RNPEPL1: variants seen among roughly 807,000 people sequenced by gnomAD.
RNPEPL1 encodes aminopeptidase RNPEPL1.
A neutral mutation model predicts 69.0 loss-of-function variants in RNPEPL1; 46 were observed. That is an observed-to-expected ratio of 0.67 (90% CI 0.53 to 0.85). The LOEUF is 0.85. RNPEPL1 is among the 40% of genes least tolerant of loss of function. The pLI is 0.00. For synonymous variants in RNPEPL1, 525 were observed against 454.1 expected, an observed-to-expected ratio of 1.16 and a Z score of -1.98; for missense variants, 869 against 992.5, an observed-to-expected ratio of 0.88 and a Z score of 1.67.
At position 240,574,107 on chromosome 2, in the gene RNPEPL1, G is replaced by A. The variant is rs750350181; in HGVS notation, c.939-6G>A. The A allele has an allele frequency of 1.5e-5, 24 of 1,611,838 alleles. No homozygotes were observed. The highest frequency in any genetic ancestry group is 8.8e-5 in the South Asian group (8 of 91,042). On this transcript the variant is annotated splice_polypyrimidine_tract_variant and splice_region_variant and intron_variant, in intron 4 of 10. Transcript: ENST00000270357. ...GTCTGCCACCCTCACCGCCCTCCCG[G>A]TGCAGGTACGACATTGTCTTCCTGC...
At chr2:240,575,647 TG>T (rs1410139207) in intron 8 of RNPEPL1, 37 bp downstream of exon 8, 8 of 1,550,190 alleles carry the variant, frequency 5.2e-6, no homozygotes, top group Non-Finnish European at 7.1e-6. Flanking sequence ...CAGGGAGCCG[TG>T]GGTATGATGG....
Position 240,578,056 on chromosome 2 carries a change from C to T in RNPEPL1, c.*164C>T. 4.7e-6 allele frequency: 3 copies of T among 640,882 alleles called. No individual in the cohort carries two copies. The highest frequency in any genetic ancestry group is 7.3e-6 in the Non-Finnish European group (3 of 412,938). 39.7% of individuals were successfully genotyped at this position (640,882 alleles called of 1,614,324 possible). On this transcript the variant is annotated 3_prime_UTR_variant, in exon 11 of 11. Coordinates refer to ENST00000270357, the MANE Select transcript of RNPEPL1 (RefSeq NM_018226.6). ...CAGGGAGAATGGGGAGAGGGACCTCCTTGTGTCTGGCAGAGACCTGTGGAC... is the reference window on the plus strand; with the variant it reads ...CAGGGAGAATGGGGAGAGGGACCTCTTTGTGTCTGGCAGAGACCTGTGGAC...
chr2:240,579,155 A>G lies in RNPEPL1; in HGVS notation c.*1263A>G, dbSNP rs2093046594. ...ATCTCAGTGCCACGCACACCTGGCC[A>G]ACATGCCGTGGCCCAGAAGCAGCAC... On this transcript the variant is annotated 3_prime_UTR_variant, in exon 11 of 11. Coordinates refer to ENST00000270357, the MANE Select transcript of RNPEPL1 (RefSeq NM_018226.6). 6.6e-6 allele frequency: 1 copy of G among 152,274 alleles called. No individual in the cohort carries two copies. Among genetic ancestry groups the G allele is most frequent in the South Asian group, 2.1e-4 (1 of 4,826 alleles). 9.4% of individuals were successfully genotyped at this position (152,274 alleles called of 1,614,324 possible). A position where few individuals can be genotyped will look rare whatever the true frequency, so the allele number is the denominator to read the frequency against.
chr2:240,576,301 TC>T, intron 8 of RNPEPL1: 1 of 584,540 alleles, frequency 1.7e-6, no homozygotes, highest in Non-Finnish European at 3.0e-6. Context: ...TGGGTGCGAG[TC>T]CCTTGGTCAC....
chr2:240,576,920 G>A lies in RNPEPL1; in HGVS notation c.1814G>A (p.Trp605Ter), dbSNP rs1179294633. 1 of 1,613,424 alleles carries A rather than the reference G, an allele frequency of 6.2e-7. No homozygotes were observed. Among genetic ancestry groups the A allele is most frequent in the Non-Finnish European group, 8.5e-7 (1 of 1,179,998 alleles). Reference protein sequence around the residue: ...DSMNAEIRIRWLQIVVRNDYY... With the variant: ...DSMNAEIRIR ...ATGAACGCTGAGATCCGCATCCGCTGGCTGCAGATTGTGGTCCGCAACGAC... is the reference window on the plus strand; with the variant it reads ...ATGAACGCTGAGATCCGCATCCGCTAGCTGCAGATTGTGGTCCGCAACGAC... Residue 605 changes from tryptophan (W) to a stop codon, truncating the protein, a stop_gained, in exon 10 of 11, where the codon TGG becomes TAG. Coordinates refer to ENST00000270357, the MANE Select transcript of RNPEPL1 (RefSeq NM_018226.6). LOFTEE classifies it high-confidence loss of function.
chr2:240,576,710 C>A lies in RNPEPL1; in HGVS notation c.1686C>A (p.Thr562=), dbSNP rs1559417825. The A allele has an allele frequency of 6.2e-7, 1 of 1,613,014 alleles. No individual in the cohort carries two copies. The highest frequency in any genetic ancestry group is 8.5e-7 in the Non-Finnish European group (1 of 1,179,980). Residue 562 remains threonine (T), a synonymous_variant, in exon 9 of 11, where the codon ACC becomes ACA. Coordinates refer to ENST00000270357, the MANE Select transcript of RNPEPL1 (RefSeq NM_018226.6). ...ASAIDISKWR[T]FQTALFLDRL... ...CCATTGACATCTCCAAGTGGAGGAC[C>A]TTCCAGACAGCACTCTTCCTGGACC... is the stretch of plus-strand genomic sequence containing the variant.
chr2:240,573,720 G>T, intron 3 of RNPEPL1, 55 bp from the exon 4 acceptor site: 1 of 1,405,194 alleles, frequency 7.1e-7, no homozygotes, highest in Non-Finnish European at 9.5e-7. Flanking sequence ...GAGCCTGGTG[G>T]GGTGAGCGGG....
chr2:240,570,617 T>C (rs1297735868), intron 1 of RNPEPL1, among the ~76,000 whole-genome samples: 1 of 152,218 alleles, frequency 6.6e-6, no homozygotes, highest in African/African-American at 2.4e-5. Context: ...GCCCTGCCAG[T>C]GGGCCCCAGG....
Position 240,577,628 on chromosome 2 carries a change from C to A in RNPEPL1, c.1914C>A (p.Tyr638Ter). Residue 638 changes from tyrosine (Y) to a stop codon, truncating the protein, a stop_gained, in exon 11 of 11, where the codon TAC becomes TAA. Coordinates refer to ENST00000270357, the MANE Select transcript of RNPEPL1 (RefSeq NM_018226.6). LOFTEE classifies it high-confidence loss of function. ...CACGCATGTACACCATCCCGCTGTACGAGGACCTCTGCACCGGTGCCCTCA... is the reference window on the plus strand; with the variant it reads ...CACGCATGTACACCATCCCGCTGTAAGAGGACCTCTGCACCGGTGCCCTCA... ...QMSRMYTIPL[Y>*]EDLCTGALKS... 1 of 1,602,956 alleles carries A rather than the reference C, an allele frequency of 6.2e-7. No individual in the cohort carries two copies. Among genetic ancestry groups the A allele is most frequent in the Non-Finnish European group, 8.5e-7 (1 of 1,172,434 alleles).
At chr2:240,573,352 C>A in intron 3 of RNPEPL1, 91 bp downstream of exon 3, 1 of 1,403,502 alleles carries the variant, frequency 7.1e-7, no homozygotes, top group Non-Finnish European at 9.4e-7. Flanking sequence ...GGCTGCCCTG[C>A]TGAGGACCCC....
At position 240,574,592 on chromosome 2, in the gene RNPEPL1, A is replaced by C. The variant is rs1273991708; in HGVS notation, c.1252A>C (p.Ser418Arg). ...GCAGATGAAGCTTCTGGGAGAGGAC[A>C]GCCCGGTCAGCAAACTGCAGGTCAA... ...HRQMKLLGED[S>R]PVSKLQVKLE... The change falls in exon 6 of 11, where the codon AGC becomes CGC. Residue 418 changes from serine to arginine, a missense_variant. Around this residue, in one of 2 missense-constraint regions of RNPEPL1, gnomAD observed 610 missense variants for 790.9 expected, o/e 0.77. Coordinates refer to ENST00000270357, the MANE Select transcript of RNPEPL1 (RefSeq NM_018226.6). The C allele has an allele frequency of 6.2e-7, 1 of 1,612,940 alleles. No individual in the cohort carries two copies. The highest frequency in any genetic ancestry group is 2.2e-5 in the East Asian group (1 of 44,880).
At chr2:240,572,727 T>C (rs2093025470) in intron 2 of RNPEPL1, among the ~76,000 whole-genome samples, 164 bp downstream of exon 2, 1 of 152,160 alleles carries the variant, frequency 6.6e-6, no homozygotes, top group African/African-American at 2.4e-5. Context: ...GGAGCCGCTT[T>C]GCAGGGAACG....
chr2:240,576,723 C>G lies in RNPEPL1; in HGVS notation c.1699C>G (p.Leu567Val), dbSNP rs1479571504. ...ISKWRTFQTA[L>V]FLDRLLDGSP... ...CAAGTGGAGGACCTTCCAGACAGCA[C>G]TCTTCCTGGACCGGCTCCTGGATGG... is the stretch of plus-strand genomic sequence containing the variant. The change falls in exon 9 of 11, where the codon CTC (leucine) becomes GTC (valine). Residue 567 changes from leucine (L) to valine (V), a missense_variant. Transcript: ENST00000270357. 2 of 1,612,888 alleles carry G rather than the reference C, an allele frequency of 1.2e-6. No individual in the cohort carries two copies. Among genetic ancestry groups the G allele is most frequent in the African/African-American group, 1.3e-5 (1 of 74,942 alleles).
intron 10 of RNPEPL1, 135 bp downstream of exon 10, chr2:240,577,125 G>T: frequency 8.7e-7 from 1 of 1,154,604 alleles, no homozygotes; most frequent in Non-Finnish European, 1.2e-6. Context: ...AGACGTAGGG[G>T]TCTGTTGGGA....
chr2:240,573,314 C>T lies in RNPEPL1; in HGVS notation c.821+53C>T, dbSNP rs376734280. 3.3e-5 allele frequency: 50 copies of T among 1,510,112 alleles called. 1 individual carries two copies. Among genetic ancestry groups the T allele is most frequent in the Admixed American group, 1.3e-4 (6 of 47,096 alleles). 93.5% of individuals were successfully genotyped at this position (1,510,112 alleles called of 1,614,324 possible). On this transcript the variant is annotated intron_variant, in intron 3 of 10. Transcript: ENST00000270357. ...GGCTGCGCAGGCCTCGGGGAGAGCC[C>T]CACCGGGGGTCTGTGGCCTGTGTCC...
rs2093013743 is a variant in RNPEPL1, at chr2:240,569,114, C to T, written c.528C>T (p.Ala176=). The change falls in exon 1 of 11, where the codon GCC becomes GCT. Residue 176 remains alanine (A), a splice_region_variant and synonymous_variant. Transcript: ENST00000270357. ...ILRYTSTDAP[A]IWWLDPELTY... ...GGTACACCTCGACCGACGCCCCCGC[C>T]GTGAGTCCGGGGCGGGCGCCGGGGC... is the stretch of plus-strand genomic sequence containing the variant. The T allele has an allele frequency of 6.0e-6, 9 of 1,490,836 alleles. No homozygotes were observed. Among genetic ancestry groups the T allele is most frequent in the Middle Eastern group, 2.3e-4 (1 of 4,278 alleles). 92.4% of individuals were successfully genotyped at this position (1,490,836 alleles called of 1,614,324 possible).
At chr2:240,572,340 C>A (rs1026556552) in intron 1 of RNPEPL1, 83 bp from the exon 2 acceptor site, 2 of 1,464,122 alleles carry the variant, frequency 1.4e-6, no homozygotes, top group Non-Finnish European at 1.8e-6. Flanking sequence ...GAGCCTCCTG[C>A]CTTCTCTCAG....
At chr2:240,569,185 G>A in intron 1 of RNPEPL1, 71 bp downstream of exon 1, 1 of 1,357,256 alleles carries the variant, frequency 7.4e-7, no homozygotes, top group Non-Finnish European at 9.4e-7. Context: ...TCGCCGCACG[G>A]CCAGGCTGAG....
chr2:240,573,927 A>G (rs764271811), intron 4 of RNPEPL1, 36 bp downstream of exon 4: 6 of 1,556,766 alleles, frequency 3.9e-6, no homozygotes, highest in Non-Finnish European at 5.2e-6. Context: ...GGCTGGCTGG[A>G]AGGAGGAGTC....
Sources: gnomAD v4.1 joint callset for allele counts (sites outside exome capture counted in the v4.1 genomes callset) on GRCh38, gnomAD v4.1.1 for gene constraint, gnomAD v4.1.1 regional missense constraint, MANE v1.5 for transcripts, NCBI Gene and HGNC (gene_info 2026-07-23, HGNC 2026-07-21) for gene names.